The following RNF217 variants were observed in gnomAD, a reference collection of about 807,000 sequenced individuals.
RNF217 encodes the protein E3 ubiquitin-protein ligase RNF217.
Under a neutral mutation model 57.8 loss-of-function variants are expected in RNF217, and 31 were observed. The ratio of observed to expected loss-of-function variants is 0.54; its 90% CI spans 0.40 to 0.72. The LOEUF is 0.72. Ranked by LOEUF, RNF217 falls within the 30% of genes least tolerant of loss-of-function variation. RNF217 has a pLI of 0.00. For missense variants in RNF217, 696 were observed against 708.3 expected (o/e 0.98, Z 0.20); for synonymous variants, 313 against 294.0 (o/e 1.06, Z -0.66).
intron 3 of RNF217, among the ~76,000 whole-genome samples, chr6:125,070,551 G>A (rs572993351): frequency 1.3e-5 from 2 of 152,260 alleles, no homozygotes; most frequent in South Asian, 2.1e-4. Context: ...GTAGGAGTAA[G>A]GTGGTATCTC....
rs542909973 is a variant in RNF217 at position 125,088,301 on chromosome 6, G to A, written c.*5364G>A. On this transcript the variant is annotated 3_prime_UTR_variant, in exon 6 of 6. Transcript: ENST00000521654. ...TAAGATTGTGAAATGTTACCTTTTG[G>A]ATGCAAACCAATGATACAAATCTTT... 6.6e-6 allele frequency: 1 copy of A among 152,026 alleles called. No individual in the cohort carries two copies. Among genetic ancestry groups the A allele is most frequent in the Admixed American group, 6.6e-5 (1 of 15,238 alleles). 9.4% of individuals were successfully genotyped at this position (152,026 alleles called of 1,614,324 possible). A position where few individuals can be genotyped will look rare whatever the true frequency, so the allele number is the denominator to read the frequency against.
chr6:125,052,755 G>T (rs1464535552), intron 2 of RNF217, among the ~76,000 whole-genome samples: 1 of 151,992 alleles, frequency 6.6e-6, no homozygotes, highest in Non-Finnish European at 1.5e-5. Context: ...TTCAAGAAAA[G>T]CATCTTCAGT....
intron 1 of RNF217, among the ~76,000 whole-genome samples, chr6:125,023,615 T>C (rs1041339058): frequency 6.6e-6 from 1 of 152,164 alleles, no homozygotes; most frequent in Admixed American, 6.5e-5. Flanking sequence ...TGAAGAGATA[T>C]CTGTACTCCC....
At chr6:125,011,744 T>C (rs1485458127) in intron 1 of RNF217, among the ~76,000 whole-genome samples, 1 of 152,178 alleles carries the variant, frequency 6.6e-6, no homozygotes, top group Non-Finnish European at 1.5e-5. Flanking sequence ...ATTTCTTTCA[T>C]GGAATTTTCC....
At chr6:125,016,734 T>G (rs1436746213) in intron 1 of RNF217, among the ~76,000 whole-genome samples, 1 of 143,368 alleles carries the variant, frequency 7.0e-6, no homozygotes, top group Non-Finnish European at 1.5e-5. Context: ...AGCTGAACAA[T>G]GACAACACGT....
intron 2 of RNF217, among the ~76,000 whole-genome samples, chr6:125,047,746 A>G (rs1262576880): frequency 6.6e-6 from 1 of 152,050 alleles, no homozygotes; most frequent in Non-Finnish European, 1.5e-5. Flanking sequence ...TTAGTAGAGG[A>G]AAAGAAAATT....
At chr6:125,056,404 T>A (rs986677977) in intron 2 of RNF217, among the ~76,000 whole-genome samples, 1 of 152,182 alleles carries the variant, frequency 6.6e-6, no homozygotes, top group Admixed American at 6.6e-5. Context: ...TTGAACAGAA[T>A]TTTAATAAAT....
chr6:124,977,169 A>G (rs1364267513), intron 1 of RNF217, among the ~76,000 whole-genome samples: 1 of 152,204 alleles, frequency 6.6e-6, no homozygotes, highest in Non-Finnish European at 1.5e-5. Flanking sequence ...ATAATATAAA[A>G]CATTAACACT....
At chr6:125,025,948 G>A (rs1412811937) in intron 1 of RNF217, among the ~76,000 whole-genome samples, 1 of 152,112 alleles carries the variant, frequency 6.6e-6, no homozygotes, top group Non-Finnish European at 1.5e-5. Flanking sequence ...TAAGAGTAAG[G>A]CCTTGAAGAG....
intron 2 of RNF217, among the ~76,000 whole-genome samples, chr6:125,053,996 T>C (rs1274988580): frequency 6.6e-6 from 1 of 152,142 alleles, no homozygotes; most frequent in Non-Finnish European, 1.5e-5. Context: ...ATTAGATATG[T>C]TGGTTTTTCT....
chr6:125,079,065 G>A lies in RNF217; in HGVS notation c.1483+2207G>A, dbSNP rs553343840. On this transcript the variant is annotated intron_variant, in intron 4 of 5. Transcript: ENST00000521654. ...CATGTGGTCCTTGGCCAGAGGCAGA[G>A]AAAGGGCCTTCATCTCTCTCACAGC... Among the ~76,000 whole-genome samples, 513 of 152,278 alleles carry A rather than the reference G, an allele frequency of 3.4e-3. 4 individuals carry two copies. Among genetic ancestry groups the A allele is most frequent in the South Asian group, 0.019 (90 of 4,824 alleles).
intron 1 of RNF217, among the ~76,000 whole-genome samples, chr6:125,039,028 G>T (rs930577690): frequency 2.6e-5 from 4 of 151,416 alleles, no homozygotes; most frequent in Non-Finnish European, 5.9e-5. Context: ...TGTTGTTCCC[G>T]CCTGCCCCCA....
At chr6:125,005,948 T>A (rs1785163032) in intron 1 of RNF217, 1 of 152,206 alleles carries the variant, frequency 6.6e-6, no homozygotes, top group African/African-American at 2.4e-5. Context: ...TGTGCCAGCC[T>A]TGAGGAATAG....
intron 2 of RNF217, among the ~76,000 whole-genome samples, chr6:125,049,467 G>C (rs1359280869): frequency 6.6e-6 from 1 of 151,968 alleles, no homozygotes; most frequent in African/African-American, 2.4e-5. Context: ...ATTAAGCCTT[G>C]AGGTGTTGGA....
At chr6:125,042,958 A>G (rs1164803948) in intron 1 of RNF217, among the ~76,000 whole-genome samples, 1 of 152,112 alleles carries the variant, frequency 6.6e-6, no homozygotes, top group African/African-American at 2.4e-5. Context: ...GAGGTGGCCC[A>G]AGTAAGCCCC....
intron 1 of RNF217, chr6:125,009,149 A>T (rs1051249984): frequency 5.5e-6 from 8 of 1,454,362 alleles, no homozygotes; most frequent in Non-Finnish European, 7.4e-6. Context: ...ACCTTTTGCC[A>T]TTTTTTCTCT....
intron 1 of RNF217, among the ~76,000 whole-genome samples, chr6:124,980,037 A>G (rs1300294296): frequency 6.6e-6 from 1 of 152,132 alleles, no homozygotes; most frequent in African/African-American, 2.4e-5. Context: ...AAGTCTGTGT[A>G]TCAGCTGCAG....
intron 1 of RNF217, among the ~76,000 whole-genome samples, chr6:125,039,214 TG>T (rs1292101401): frequency 1.3e-5 from 2 of 152,086 alleles, no homozygotes; most frequent in Non-Finnish European, 2.9e-5. Flanking sequence ...TATTCCATGG[TG>T]CATATGTACC....
At chr6:125,068,343 C>T (rs1788012996) in intron 3 of RNF217, among the ~76,000 whole-genome samples, 1 of 152,154 alleles carries the variant, frequency 6.6e-6, no homozygotes. Context: ...ACCTTTAAGT[C>T]CCCTTAACTG....
Sources: allele counts gnomAD v4.1 joint callset (sites outside exome capture counted in the v4.1 genomes callset), GRCh38; gene constraint gnomAD v4.1.1; transcripts MANE v1.5; gene names NCBI Gene and HGNC (gene_info 2026-07-23, HGNC 2026-07-21).